PCDHGC4: variants seen among roughly 807,000 people sequenced by gnomAD.
PCDHGC4 encodes protocadherin gamma-C4.
A neutral mutation model predicts 59.7 loss-of-function variants in PCDHGC4; 15 were observed. That is an observed-to-expected ratio of 0.25 (90% CI 0.17 to 0.39). PCDHGC4 has a LOEUF of 0.39. PCDHGC4 is among the 10% of genes least tolerant of loss of function. PCDHGC4 has a pLI of 1.00. For synonymous variants in PCDHGC4, 434 were observed against 481.4 expected, an observed-to-expected ratio of 0.90 and a Z score of 1.29; for missense variants, 1,016 against 1,189.5, an observed-to-expected ratio of 0.85 and a Z score of 2.15.
intron 2 of PCDHGC4, among the ~76,000 whole-genome samples, chr5:141,505,092 G>A (rs965653546): frequency 5.9e-5 from 9 of 152,170 alleles, no homozygotes; most frequent in African/African-American, 2.2e-4. Flanking sequence ...AACCCAGGAG[G>A]TGGATGTTGC....
At chr5:141,503,675 T>C (rs1233495836) in intron 2 of PCDHGC4, among the ~76,000 whole-genome samples, 1 of 152,104 alleles carries the variant, frequency 6.6e-6, no homozygotes. Flanking sequence ...CTTCCCACTT[T>C]TGGGAAGGAG....
chr5:141,487,616 G>T lies in PCDHGC4; in HGVS notation c.2442+1G>T. The T allele has an allele frequency of 1.2e-6, 2 of 1,614,220 alleles. No homozygotes were observed. The highest frequency in any genetic ancestry group is 1.7e-6 in the Non-Finnish European group (2 of 1,180,044). ...CTCTGATCTTCTCTATGGGCTAGAGGTGAGACCTTTGCAGGCTCAACAAAT... is the reference window on the plus strand; with the variant it reads ...CTCTGATCTTCTCTATGGGCTAGAGTTGAGACCTTTGCAGGCTCAACAAAT... On this transcript the variant is annotated splice_donor_variant, in intron 1 of 3. Coordinates refer to ENST00000306593, the MANE Select transcript of PCDHGC4 (RefSeq NM_018928.3). LOFTEE classifies it high-confidence loss of function. This position sits in a 1 kb window ranked among gnomAD's most constrained non-coding sequence, Gnocchi z 5.0.
Position 141,505,424 on chromosome 5 carries a change from C to T in PCDHGC4, c.2533C>T (p.Pro845Ser), listed in dbSNP as rs1422538114. The T allele has an allele frequency of 1.2e-6, 2 of 1,614,200 alleles. No individual in the cohort carries two copies. Among genetic ancestry groups the T allele is most frequent in the Non-Finnish European group, 1.7e-6 (2 of 1,180,028 alleles). Residue 845 changes from proline (P) to serine (S), a missense_variant, in exon 3 of 4, where the codon CCC (proline) becomes TCC (serine). Pro to Ser is a moderately conservative substitution (Grantham distance 74). Transcript: ENST00000306593. ...AAATGGCGATGACACCGGCACCTGG[C>T]CCAACAACCAGTTTGACACAGAGAT... is the stretch of plus-strand genomic sequence containing the variant. ...SQNGDDTGTW[P>S]NNQFDTEMLQ...
chr5:141,511,138 A>C lies in PCDHGC4; in HGVS notation c.2782A>C (p.Asn928His). 6.2e-7 allele frequency: 1 copy of C among 1,614,210 alleles called. No homozygotes were observed. ...DGKAPAGGNGNKKKSGKKEKK is the reference protein window; with the variant it reads ...DGKAPAGGNGHKKKSGKKEKK ...CAAGGCCCCAGCAGGTGGCAATGGCAACAAGAAGAAGTCGGGCAAGAAGGA... is the reference window on the plus strand; with the variant it reads ...CAAGGCCCCAGCAGGTGGCAATGGCCACAAGAAGAAGTCGGGCAAGAAGGA... Residue 928 changes from asparagine to histidine, a missense_variant, in exon 4 of 4, where the codon AAC becomes CAC. Transcript: ENST00000306593.
rs372054375 is a variant in PCDHGC4, at chr5:141,490,825, A to T, written c.2442+3210A>T. 9 of 1,613,692 alleles carry T rather than the reference A, an allele frequency of 5.6e-6. No individual in the cohort carries two copies. The highest frequency in any genetic ancestry group is 3.3e-4 in the Middle Eastern group (2 of 6,062). On this transcript the variant is annotated intron_variant, in intron 1 of 3. Transcript: ENST00000306593. This position sits in a 1 kb window ranked among gnomAD's most constrained non-coding sequence, Gnocchi z 5.4. ...TACCTTTGACTATGAATTGCTGCAG[A>T]TGCTGCAGATTGTGGTGGGGGTTCG... is the stretch of plus-strand genomic sequence containing the variant.
intron 1 of PCDHGC4, chr5:141,492,006 G>T (rs2099736069): frequency 7.8e-6 from 5 of 643,420 alleles, no homozygotes; most frequent in Non-Finnish European, 1.3e-5. Context: ...GGCGATTTCC[G>T]CGGGTGTCGG....
In PCDHGC4 at chr5:141,489,906, C is replaced by T. The variant is rs550717535; in HGVS notation, c.2442+2291C>T. On this transcript the variant is annotated intron_variant, in intron 1 of 3. Transcript: ENST00000306593. The surrounding 1 kb of genome is among the most constrained non-coding windows in gnomAD (Gnocchi z 4.5). ...CTGTGGATGGGGGGACCCCAGCCCG[C>T]TCAGGGACCACCCTTATCTCTGTCA... 4.5e-5 allele frequency: 72 copies of T among 1,614,234 alleles called. No individual in the cohort carries two copies. In the African/African-American group the frequency reaches 5.6e-4, roughly 13 times the overall value.
rs115001531 is a variant in PCDHGC4, at chr5:141,495,385, G to A, written c.2501+520G>A. Among the ~76,000 whole-genome samples the A allele has an allele frequency of 2.2e-3, 339 of 152,328 alleles. 1 individual carries two copies. Among genetic ancestry groups the A allele is most frequent in the African/African-American group, 7.9e-3 (329 of 41,590 alleles). ...AGGTGGAACTGAGGAAGGACTGGGC[G>A]GGGCATGGAGCAGGCCCCCTTCTCC... On this transcript the variant is annotated intron_variant, in intron 2 of 3. Transcript: ENST00000306593.
intron 2 of PCDHGC4, among the ~76,000 whole-genome samples, chr5:141,499,780 G>A (rs776654854): frequency 1.4e-5 from 2 of 145,766 alleles, no homozygotes; most frequent in Non-Finnish European, 3.0e-5. Flanking sequence ...TTCGCCTCCC[G>A]GGTTCAAGCA....
rs1243232069 is a variant in PCDHGC4 at position 141,490,842 on chromosome 5, G to A, written c.2442+3227G>A. Reference sequence around the variant, plus strand: ...TGCTGCAGATGCTGCAGATTGTGGTGGGGGTTCGAGACTCCGGCTCTCCCC... The same window carrying A: ...TGCTGCAGATGCTGCAGATTGTGGTAGGGGTTCGAGACTCCGGCTCTCCCC... On this transcript the variant is annotated intron_variant, in intron 1 of 3. Transcript: ENST00000306593. The surrounding 1 kb of genome is among the most constrained non-coding windows in gnomAD (Gnocchi z 5.4). 4.3e-6 allele frequency: 7 copies of A among 1,613,844 alleles called. No homozygotes were observed. In the South Asian group the frequency reaches 6.6e-5, roughly 15 times the overall value.
intron 2 of PCDHGC4, among the ~76,000 whole-genome samples, chr5:141,502,894 G>C (rs1342496006): frequency 6.8e-6 from 1 of 147,968 alleles, no homozygotes; most frequent in Non-Finnish European, 1.5e-5. Context: ...AGGGAGTCTA[G>C]CTCTGTTGCC....
chr5:141,499,037 G>A (rs912832519), intron 2 of PCDHGC4, among the ~76,000 whole-genome samples: 1 of 150,904 alleles, frequency 6.6e-6, no homozygotes, highest in South Asian at 2.1e-4. Context: ...AGAAAAGAAA[G>A]AAAAAGGGAG....
In PCDHGC4 at chr5:141,512,845, A is replaced by G. The variant is rs1166488780; in HGVS notation, c.*1672A>G. On this transcript the variant is annotated 3_prime_UTR_variant, in exon 4 of 4. Coordinates refer to ENST00000306593, the MANE Select transcript of PCDHGC4 (RefSeq NM_018928.3). ...CTCCCCCGTACTGACTTCTCCTATA[A>G]GCGCTTCTCTTCGCATAGTCACGTA... The G allele has an allele frequency of 6.6e-6, 1 of 152,156 alleles. No individual in the cohort carries two copies. Among genetic ancestry groups the G allele is most frequent in the African/African-American group, 2.4e-5 (1 of 41,380 alleles). 9.4% of individuals were successfully genotyped at this position (152,156 alleles called of 1,614,324 possible).
chr5:141,510,994 G>A lies in PCDHGC4; in HGVS notation c.2638G>A (p.Gly880Arg). ...CCTGGGAGGGGGTGCCGGCACCATG[G>A]GATTGAGCGCCCGCTACGGACCCCA... ...STLGGGAGTM[G>R]LSARYGPQFT... The change falls in exon 4 of 4, where the codon GGA becomes AGA. Residue 880 changes from glycine to arginine, a missense_variant. Physicochemically the swap from Gly to Arg is moderately radical, Grantham distance 125 (BLOSUM62 -2). Transcript: ENST00000306593. 1 of 1,614,168 alleles carries A rather than the reference G, an allele frequency of 6.2e-7. No homozygotes were observed. Among genetic ancestry groups the A allele is most frequent in the Non-Finnish European group, 8.5e-7 (1 of 1,180,022 alleles).
chr5:141,485,899 C>A lies in PCDHGC4; in HGVS notation c.726C>A (p.Phe242Leu), dbSNP rs775312856. 12 of 1,614,166 alleles carry A rather than the reference C, an allele frequency of 7.4e-6. No individual in the cohort carries two copies. The highest frequency in any genetic ancestry group is 8.5e-6 in the Non-Finnish European group (10 of 1,180,032). The change falls in exon 1 of 4, where the codon TTC (phenylalanine) becomes TTA (leucine). Residue 242 changes from phenylalanine (F) to leucine (L), a missense_variant. By Grantham distance (22) the Phe-to-Leu change is conservative. Coordinates refer to ENST00000306593, the MANE Select transcript of PCDHGC4 (RefSeq NM_018928.3). The surrounding 1 kb of genome is among the most constrained non-coding windows in gnomAD (Gnocchi z 5.7). ...VLDVNDNAPAFQQSSYRISVL... is the reference protein window; with the variant it reads ...VLDVNDNAPALQQSSYRISVL... ...ACGTAAACGACAACGCCCCAGCCTT[C>A]CAGCAATCCAGCTACAGGATTAGTG...
At position 141,487,741 on chromosome 5, in the gene PCDHGC4, A is replaced by C. The variant is rs773413559; in HGVS notation, c.2442+126A>C. 1.6e-4 allele frequency: 247 copies of C among 1,561,638 alleles called. 1 individual carries two copies. The highest frequency in any genetic ancestry group is 2.1e-4 in the Non-Finnish European group (244 of 1,151,698). On this transcript the variant is annotated intron_variant, in intron 1 of 3. Coordinates refer to ENST00000306593, the MANE Select transcript of PCDHGC4 (RefSeq NM_018928.3). This position sits in a 1 kb window ranked among gnomAD's most constrained non-coding sequence, Gnocchi z 5.0. ...ATAGTGATGTCACCATTTTTGTAAG[A>C]GGTAACTATGTGGTAGACGCTGTGC... is the stretch of plus-strand genomic sequence containing the variant.
Position 141,489,764 on chromosome 5 carries a change from A to G in PCDHGC4, c.2442+2149A>G. ...GTGAGCTTTTACACTCTAAGCCCCA[A>G]CAGCCACTTCTCTCTGAATGTGAAG... is the stretch of plus-strand genomic sequence containing the variant. On this transcript the variant is annotated intron_variant, in intron 1 of 3. Transcript: ENST00000306593. The surrounding 1 kb of genome is among the most constrained non-coding windows in gnomAD (Gnocchi z 4.5). 2 of 1,613,556 alleles carry G rather than the reference A, an allele frequency of 1.2e-6. No homozygotes were observed. The highest frequency in any genetic ancestry group is 1.7e-6 in the Non-Finnish European group (2 of 1,179,894).
rs189734474 is a variant in PCDHGC4, at chr5:141,512,858, G to T, written c.*1685G>T. 1 of 152,296 alleles carries T rather than the reference G, an allele frequency of 6.6e-6. No individual in the cohort carries two copies. The highest frequency in any genetic ancestry group is 1.9e-4 in the East Asian group (1 of 5,182). 9.4% of individuals were successfully genotyped at this position (152,296 alleles called of 1,614,324 possible). ...ACTTCTCCTATAAGCGCTTCTCTTC[G>T]CATAGTCACGTAGCTCCCACCCCAC... On this transcript the variant is annotated 3_prime_UTR_variant, in exon 4 of 4. Coordinates refer to ENST00000306593, the MANE Select transcript of PCDHGC4 (RefSeq NM_018928.3).
In PCDHGC4 at chr5:141,489,739, G is replaced by A; in HGVS notation, c.2442+2124G>A. On this transcript the variant is annotated intron_variant, in intron 1 of 3. Transcript: ENST00000306593. The surrounding 1 kb of genome is among the most constrained non-coding windows in gnomAD (Gnocchi z 4.5). Reference sequence around the variant, plus strand: ...GGATCCGGATGTGGGCACCAATACTGTGAGCTTTTACACTCTAAGCCCCAA... The same window carrying A: ...GGATCCGGATGTGGGCACCAATACTATGAGCTTTTACACTCTAAGCCCCAA... 3 of 1,614,170 alleles carry A rather than the reference G, an allele frequency of 1.9e-6. No homozygotes were observed. The highest frequency in any genetic ancestry group is 2.2e-5 in the South Asian group (2 of 91,076).
Sources: gnomAD v4.1 joint callset for allele counts (sites outside exome capture counted in the v4.1 genomes callset) on GRCh38, gnomAD v4.1.1 for gene constraint, Gnocchi (gnomAD v3.1) non-coding constraint, MANE v1.5 for transcripts, NCBI Gene and HGNC (gene_info 2026-07-23, HGNC 2026-07-21) for gene names.